The following SATB2 variants were observed in gnomAD, a reference collection of about 807,000 sequenced individuals.
SATB2 encodes the protein DNA-binding protein SATB2.
A neutral mutation model predicts 73.4 loss-of-function variants in SATB2; 1 was observed. The ratio of observed to expected loss-of-function variants is 0.01; its 90% CI spans 0.00 to 0.06. The LOEUF (loss-of-function observed/expected upper bound fraction) is 0.06, where lower values mean the gene tolerates loss of function less well. Among genes scored for constraint, SATB2 ranks in the 10% least tolerant of loss-of-function variants. The pLI is 1.00. For missense variants in SATB2, 459 were observed against 945.8 expected (o/e 0.49, Z 6.75); for synonymous variants, 397 against 367.0 (o/e 1.08, Z -0.93).
intron 8 of SATB2, among the ~76,000 whole-genome samples, chr2:199,327,512 A>C (rs1248902409): frequency 6.6e-6 from 1 of 152,170 alleles, no homozygotes; most frequent in Non-Finnish European, 1.5e-5. Flanking sequence ...AGAACCTGCA[A>C]CTATCATAGC....
intron 8 of SATB2, among the ~76,000 whole-genome samples, chr2:199,327,533 G>A (rs535426133): frequency 3.3e-5 from 5 of 152,140 alleles, no homozygotes; most frequent in South Asian, 2.1e-4. Context: ...AACAGTGAAC[G>A]GACTGGCCTT....
At position 199,455,940 on chromosome 2, in the gene SATB2, C is replaced by G; in HGVS notation, c.98G>C (p.Arg33Pro). The G allele has an allele frequency of 6.5e-7, 1 of 1,537,960 alleles. No individual in the cohort carries two copies. The highest frequency in any genetic ancestry group is 8.7e-7 in the Non-Finnish European group (1 of 1,147,408). ...VKGPPPVKVA[R>P]LEQNGSPMGA... Reference sequence around the variant, plus strand: ...CATGGGGCTGCCGTTCTGCTCCAGCCGGGCCACCTTCACTGGGGGAGGCCC... The same window carrying G: ...CATGGGGCTGCCGTTCTGCTCCAGCGGGGCCACCTTCACTGGGGGAGGCCC... Residue 33 changes from arginine to proline, a missense_variant, in exon 2 of 11, where the codon CGG (arginine) becomes CCG (proline). Physicochemically the swap from Arg to Pro is moderately radical, Grantham distance 103. Transcript: ENST00000417098. This position sits in a 1 kb window ranked among gnomAD's most constrained non-coding sequence, Gnocchi z 4.1.
chr2:199,288,187 T>C (rs1259430065), intron 10 of SATB2, among the ~76,000 whole-genome samples: 1 of 152,232 alleles, frequency 6.6e-6, no homozygotes, highest in East Asian at 1.9e-4. Context: ...TAGAGTGGGT[T>C]ATAAAGAGAT....
At chr2:199,433,966 G>A (rs762948677) in intron 2 of SATB2, among the ~76,000 whole-genome samples, 4 of 150,836 alleles carry the variant, frequency 2.7e-5, no homozygotes, top group African/African-American at 7.3e-5. Context: ...TTACTTTTAC[G>A]TGTAAAAGTA....
At chr2:199,339,594 T>C (rs1688445284) in intron 7 of SATB2, among the ~76,000 whole-genome samples, 2 of 152,194 alleles carry the variant, frequency 1.3e-5, no homozygotes, top group African/African-American at 4.8e-5. Context: ...ACCAGCTCAC[T>C]GGACCATGGA....
chr2:199,414,045 T>C (rs1173701710), intron 3 of SATB2, among the ~76,000 whole-genome samples: 1 of 152,192 alleles, frequency 6.6e-6, no homozygotes, highest in Non-Finnish European at 1.5e-5. Context: ...TCAGTGGTGG[T>C]CTCAAGCAGG....
At chr2:199,323,223 C>G (rs984504605) in intron 9 of SATB2, among the ~76,000 whole-genome samples, 1 of 152,072 alleles carries the variant, frequency 6.6e-6, no homozygotes, top group African/African-American at 2.4e-5. Context: ...ACTGGATAAG[C>G]TTCTGTGTTT....
In SATB2 at chr2:199,455,921, G is replaced by A; in HGVS notation, c.117C>T (p.Ser39=). ...VKVARLEQNG[S]PMGARGRPNG... is the part of the protein sequence containing the mutation. ...TGGGCCTCCCGCGGGCTCCCATGGGGCTGCCGTTCTGCTCCAGCCGGGCCA... is the reference window on the plus strand; with the variant it reads ...TGGGCCTCCCGCGGGCTCCCATGGGACTGCCGTTCTGCTCCAGCCGGGCCA... Residue 39 remains serine, a synonymous_variant, in exon 2 of 11, where the codon AGC becomes AGT. Transcript: ENST00000417098. The surrounding 1 kb of genome is among the most constrained non-coding windows in gnomAD (Gnocchi z 4.1). 1 of 1,538,188 alleles carries A rather than the reference G, an allele frequency of 6.5e-7. No homozygotes were observed. The highest frequency in any genetic ancestry group is 8.7e-7 in the Non-Finnish European group (1 of 1,147,940).
At chr2:199,335,165 A>G (rs1366360538) in intron 7 of SATB2, among the ~76,000 whole-genome samples, 1 of 152,164 alleles carries the variant, frequency 6.6e-6, no homozygotes. Flanking sequence ...ATCCTCAAAG[A>G]AAATGTCGTT....
intron 10 of SATB2, among the ~76,000 whole-genome samples, chr2:199,277,482 A>T (rs1443112968): frequency 6.6e-6 from 1 of 152,160 alleles, no homozygotes; most frequent in East Asian, 1.9e-4. Context: ...TTTACTCTTG[A>T]TCTTTGCACA....
intron 5 of SATB2, among the ~76,000 whole-genome samples, chr2:199,369,874 G>A (rs1689392014): frequency 1.3e-5 from 2 of 152,114 alleles, no homozygotes; most frequent in Non-Finnish European, 2.9e-5. Context: ...TAGGGGAGGG[G>A]TTTCTTAATT....
chr2:199,443,905 G>C (rs1691892308), intron 2 of SATB2, among the ~76,000 whole-genome samples: 1 of 152,190 alleles, frequency 6.6e-6, no homozygotes, highest in South Asian at 2.1e-4. Context: ...ATCTGACTGA[G>C]ATCTCTGGTT....
At chr2:199,400,619 T>A (rs934119851) in intron 3 of SATB2, among the ~76,000 whole-genome samples, 1 of 152,222 alleles carries the variant, frequency 6.6e-6, no homozygotes, top group South Asian at 2.1e-4. Context: ...GATTATAATA[T>A]CATGAATGAA....
At chr2:199,311,955 C>T (rs1242373261) in intron 9 of SATB2, among the ~76,000 whole-genome samples, 1 of 151,564 alleles carries the variant, frequency 6.6e-6, no homozygotes, top group Non-Finnish European at 1.5e-5. Flanking sequence ...GACCCCATCA[C>T]AGAAGAGATA....
At chr2:199,328,338 C>G (rs750003392) in intron 8 of SATB2, among the ~76,000 whole-genome samples, 1 of 152,010 alleles carries the variant, frequency 6.6e-6, no homozygotes, top group Non-Finnish European at 1.5e-5. Flanking sequence ...GTCAGGAGTT[C>G]GAGAAGAGCC....
chr2:199,402,171 G>A (rs1458478304), intron 3 of SATB2, among the ~76,000 whole-genome samples: 2 of 152,102 alleles, frequency 1.3e-5, no homozygotes, highest in South Asian at 2.1e-4. Context: ...TGGATCATGA[G>A]GTCAAGAGAT....
upstream of SATB2, chr2:199,460,478 C>G (rs777778138): frequency 6.6e-5 from 10 of 152,324 alleles, no homozygotes; most frequent in Non-Finnish European, 1.2e-4. This position sits in a 1 kb window ranked among gnomAD's most constrained non-coding sequence, Gnocchi z 4.0. Context: ...GAATCCTCCT[C>G]CGGATCAATG....
chr2:199,391,224 T>A (rs889932845), intron 3 of SATB2, among the ~76,000 whole-genome samples: 1 of 151,890 alleles, frequency 6.6e-6, no homozygotes, highest in African/African-American at 2.4e-5. Flanking sequence ...GGCGGGTGGA[T>A]CACAAGGGAC....
rs1398054103 is a variant in SATB2 at position 199,274,711 on chromosome 2, C to T, written c.1741-2039G>A. Reference sequence around the variant, plus strand: ...ATGAATGTTCTTAGCATTTTCCTTACCACTTTCAACTAAGAGTAAACTCAT... The same window carrying T: ...ATGAATGTTCTTAGCATTTTCCTTATCACTTTCAACTAAGAGTAAACTCAT... On this transcript the variant is annotated intron_variant, in intron 10 of 10. Coordinates refer to ENST00000417098, the MANE Select transcript of SATB2 (RefSeq NM_001172509.2). Among the ~76,000 whole-genome samples the T allele has an allele frequency of 3.9e-5, 6 of 152,244 alleles. No homozygotes were observed. In the East Asian group the frequency reaches 5.8e-4, roughly 15 times the overall value.
Sources: gnomAD v4.1 joint callset for allele counts (sites outside exome capture counted in the v4.1 genomes callset) on GRCh38, gnomAD v4.1.1 for gene constraint, Gnocchi (gnomAD v3.1) non-coding constraint, MANE v1.5 for transcripts, NCBI Gene and HGNC (gene_info 2026-07-23, HGNC 2026-07-21) for gene names.